CABIN1: variants seen among roughly 807,000 people sequenced by gnomAD.
CABIN1 encodes the protein calcineurin binding protein 1.
CABIN1 carries 133 observed loss-of-function variants against 227.7 expected under a neutral mutation model. The ratio of observed to expected loss-of-function variants is 0.58; its 90% CI spans 0.51 to 0.67. The LOEUF is 0.67. CABIN1 is among the 30% of genes least tolerant of loss of function. CABIN1 has a pLI of 0.00. For synonymous variants in CABIN1, 1,086 were observed against 1,155.1 expected (o/e 0.94, Z 1.21); for missense variants, 2,408 against 2,852.5 (o/e 0.84, Z 3.55).
chr22:24,080,734 A>G (rs1396493418), intron 19 of CABIN1, among the ~76,000 whole-genome samples: 1 of 151,844 alleles, frequency 6.6e-6, no homozygotes, highest in African/African-American at 2.4e-5. Context: ...TAGTTTTTCT[A>G]TTTGGTTTTT....
At chr22:24,116,546 C>T (rs948129815) in intron 27 of CABIN1, among the ~76,000 whole-genome samples, 1 of 152,208 alleles carries the variant, frequency 6.6e-6, no homozygotes, top group East Asian at 1.9e-4. Flanking sequence ...GCCTGCCCAC[C>T]CTTTGTGGAA....
chr22:24,093,671 A>T (rs890888916), intron 24 of CABIN1, among the ~76,000 whole-genome samples: 4 of 151,946 alleles, frequency 2.6e-5, no homozygotes, highest in Non-Finnish European at 5.9e-5. Context: ...AGAGCTGGGG[A>T]TCTCAGAGAC....
At position 24,067,189 on chromosome 22, in the gene CABIN1, C is replaced by A. The variant is rs2039743185; in HGVS notation, c.2232+8C>A. 6.2e-7 allele frequency: 1 copy of A among 1,614,024 alleles called. No individual in the cohort carries two copies. ...CAGCTGCTTCTTCTGCAGGTGTGTG[C>A]TGCCAGTGTCCCTCACACCCACTTG... is the stretch of plus-strand genomic sequence containing the variant. On this transcript the variant is annotated splice_region_variant and intron_variant, in intron 16 of 36. Transcript: ENST00000263119.
chr22:24,025,541 T>G (rs2146681203), intron 1 of CABIN1, among the ~76,000 whole-genome samples: 1 of 152,276 alleles, frequency 6.6e-6, no homozygotes, highest in Non-Finnish European at 1.5e-5. Context: ...CCTATAGCCG[T>G]GAGTGGTGGG....
intron 1 of CABIN1, among the ~76,000 whole-genome samples, chr22:24,027,940 GTT>G (rs765677302): frequency 2.1e-5 from 3 of 141,702 alleles, no homozygotes; most frequent in Non-Finnish European, 1.6e-5. Flanking sequence ...CTACTGGCAG[GTT>G]TTTTTTTTTT....
chr22:24,038,900 A>G (rs1387971193), intron 4 of CABIN1, among the ~76,000 whole-genome samples: 1 of 152,202 alleles, frequency 6.6e-6, no homozygotes, highest in African/African-American at 2.4e-5. Context: ...ATGCCATTTG[A>G]GTAAAAGACC....
chr22:24,040,022 T>C (rs994072325), intron 4 of CABIN1, among the ~76,000 whole-genome samples: 3 of 152,214 alleles, frequency 2.0e-5, no homozygotes, highest in African/African-American at 7.2e-5. Flanking sequence ...GTAGGTAGTC[T>C]GTTAGGTGGA....
intron 4 of CABIN1, among the ~76,000 whole-genome samples, chr22:24,040,265 GCTT>G (rs1261413461): frequency 6.6e-6 from 1 of 152,190 alleles, no homozygotes; most frequent in Middle Eastern, 3.2e-3. Context: ...CTTCATTTGA[GCTT>G]CTCAGTCTTA....
At chr22:24,089,332 T>C (rs1250056291) in intron 23 of CABIN1, among the ~76,000 whole-genome samples, 1 of 152,248 alleles carries the variant, frequency 6.6e-6, no homozygotes, top group Non-Finnish European at 1.5e-5. Flanking sequence ...CACATACTTT[T>C]TCCCTTTGCT....
intron 19 of CABIN1, among the ~76,000 whole-genome samples, chr22:24,080,879 T>G (rs1171175672): frequency 6.6e-6 from 1 of 152,202 alleles, no homozygotes; most frequent in East Asian, 1.9e-4. Flanking sequence ...CACGAATAAC[T>G]ATTTTTTCCT....
At chr22:24,073,177 A>G (rs2040211619) in intron 18 of CABIN1, among the ~76,000 whole-genome samples, 1 of 152,220 alleles carries the variant, frequency 6.6e-6, no homozygotes, top group Non-Finnish European at 1.5e-5. Flanking sequence ...GCTGGATTGA[A>G]GAAACGACAG....
rs142118508 is a variant in CABIN1, at chr22:24,015,021, T to C, written c.-75+3654T>C. ...GCTCATGCCTGTAATCCCAGCACTT[T>C]AGGAGGCTGAGGTGGGCAGATTGCC... On this transcript the variant is annotated intron_variant, in intron 1 of 36. Coordinates refer to ENST00000263119, the MANE Select transcript of CABIN1 (RefSeq NM_012295.4). 9.6e-3 allele frequency among the ~76,000 whole-genome samples: 1,459 copies of C among 152,162 alleles called. 30 individuals are homozygous for C. The highest frequency in any genetic ancestry group is 0.033 in the African/African-American group (1,370 of 41,496).
intron 28 of CABIN1, among the ~76,000 whole-genome samples, chr22:24,121,110 G>T (rs2043384715): frequency 6.6e-6 from 1 of 152,248 alleles, no homozygotes; most frequent in Admixed American, 6.5e-5. Flanking sequence ...GACCTTTAGG[G>T]CCTAGCTGTG....
At chr22:24,019,792 G>A (rs1386828803) in intron 1 of CABIN1, among the ~76,000 whole-genome samples, 1 of 151,402 alleles carries the variant, frequency 6.6e-6, no homozygotes, top group Non-Finnish European at 1.5e-5. Context: ...CGAGTAGCTG[G>A]GATCACAGGC....
chr22:24,143,228 G>C (rs1033873210), intron 29 of CABIN1, among the ~76,000 whole-genome samples: 2 of 152,206 alleles, frequency 1.3e-5, no homozygotes, highest in Admixed American at 6.5e-5. Context: ...TTCCTACACC[G>C]GGATTGGCCC....
Position 24,091,719 on chromosome 22 carries a change from A to G in CABIN1, c.3662A>G (p.Gln1221Arg), listed in dbSNP as rs1366649903. The change falls in exon 24 of 37, where the codon CAG becomes CGG. Residue 1221 changes from glutamine (Q) to arginine (R), a missense_variant. This residue lies in a region of CABIN1 where 649 missense variants were observed against 910.3 expected (regional missense o/e 0.71). Transcript: ENST00000263119. ...MLGKVAEKQQ[Q>R]PPTVYLLHYR... ...GGCAAGGTGGCTGAGAAGCAGCAGCAGCCACCCACCGTTTACTTGCTGCAC... is the reference window on the plus strand; with the variant it reads ...GGCAAGGTGGCTGAGAAGCAGCAGCGGCCACCCACCGTTTACTTGCTGCAC... The G allele has an allele frequency of 1.2e-6, 2 of 1,614,028 alleles. No individual in the cohort carries two copies. Among genetic ancestry groups the G allele is most frequent in the South Asian group, 1.1e-5 (1 of 91,090 alleles).
chr22:24,053,234 C>T (rs1162464264), intron 8 of CABIN1, among the ~76,000 whole-genome samples: 1 of 151,792 alleles, frequency 6.6e-6, no homozygotes, highest in Non-Finnish European at 1.5e-5. Flanking sequence ...CCCACCACCA[C>T]GCCCGGCTAA....
chr22:24,030,353 G>A (rs554190549), intron 1 of CABIN1, among the ~76,000 whole-genome samples: 14 of 152,186 alleles, frequency 9.2e-5, no homozygotes, highest in African/African-American at 3.4e-4. Context: ...CTTTGGGCAG[G>A]TCAGCTAGTC....
intron 13 of CABIN1, 133 bp from the exon 14 acceptor site, chr22:24,062,826 G>C (rs1381313925): frequency 1.2e-6 from 1 of 850,504 alleles, no homozygotes; most frequent in African/African-American, 1.7e-5. Context: ...TCAGGGAGCT[G>C]TAGGGCTCTG....
Sources: gnomAD v4.1 joint callset for allele counts (sites outside exome capture counted in the v4.1 genomes callset) on GRCh38, gnomAD v4.1.1 for gene constraint, gnomAD v4.1.1 regional missense constraint, MANE v1.5 for transcripts, NCBI Gene and HGNC (gene_info 2026-07-23, HGNC 2026-07-21) for gene names.